CPAMD8: variants seen among roughly 807,000 people sequenced by gnomAD.
CPAMD8 encodes the protein C3 and PZP-like alpha-2-macroglobulin domain-containing protein 8.
Under a neutral mutation model 224.7 loss-of-function variants are expected in CPAMD8, and 146 were observed. The observed-to-expected ratio is 0.65, with a 90% confidence interval of 0.57 to 0.75. The LOEUF is 0.75. CPAMD8 is among the 30% of genes least tolerant of loss of function. CPAMD8 has a pLI of 0.00. For synonymous variants in CPAMD8, 966 were observed against 1,044.6 expected (o/e 0.92, Z 1.45); for missense variants, 2,301 against 2,537.5 (o/e 0.91, Z 2.00).
intron 25 of CPAMD8, among the ~76,000 whole-genome samples, chr19:16,927,639 A>G (rs2053410759): frequency 6.6e-6 from 1 of 151,932 alleles, no homozygotes; most frequent in African/African-American, 2.4e-5. Context: ...TGACTTATTC[A>G]GGTATTTGTG....
intron 13 of CPAMD8, among the ~76,000 whole-genome samples, chr19:16,987,165 AAAAAAAAAAAAAAAATATATAT>A (rs931127046): frequency 7.2e-5 from 7 of 97,622 alleles, no homozygotes; most frequent in African/African-American, 3.2e-4. Context: ...AAAAAAAAAA[AAAAAAAAAAAAAAAATATATAT>A]ATATATATAT....
chr19:16,927,340 G>A (rs1430916095), intron 25 of CPAMD8, among the ~76,000 whole-genome samples: 1 of 151,946 alleles, frequency 6.6e-6, no homozygotes, highest in African/African-American at 2.4e-5. Flanking sequence ...CATTCTCCCT[G>A]GGACCATGTA....
Position 16,925,220 on chromosome 19 carries a change from C to G in CPAMD8, c.3523G>C (p.Glu1175Gln), listed in dbSNP as rs776724831. ...TQQLSPEVER[E>Q]TTDYLVQGYQ... Reference sequence around the variant, plus strand: ...CCTTGTACTAGGTAGTCGGTGGTCTCTCTCTCCACCTCAGGGCTGAGCTGC... The same window carrying G: ...CCTTGTACTAGGTAGTCGGTGGTCTGTCTCTCCACCTCAGGGCTGAGCTGC... The change falls in exon 26 of 42, where the codon GAG (glutamate) becomes CAG (glutamine). Residue 1175 changes from glutamate (E) to glutamine (Q), a missense_variant. By Grantham distance (29) the Glu-to-Gln change is conservative. Transcript: ENST00000443236. 2 of 1,614,220 alleles carry G rather than the reference C, an allele frequency of 1.2e-6. No individual in the cohort carries two copies. The highest frequency in any genetic ancestry group is 1.1e-5 in the South Asian group (1 of 91,076).
intron 20 of CPAMD8, among the ~76,000 whole-genome samples, chr19:16,950,035 T>G (rs960084556): frequency 2.0e-5 from 3 of 152,118 alleles, no homozygotes; most frequent in African/African-American, 4.8e-5. Flanking sequence ...TGGTGGCTCA[T>G]GCCTGTAATC....
At chr19:17,018,920 G>A (rs75906332) in intron 3 of CPAMD8, among the ~76,000 whole-genome samples, 51 of 140,548 alleles carry the variant, frequency 3.6e-4, no homozygotes, top group East Asian at 1.5e-3. Context: ...AAAAAAAAAA[G>A]AAAAAAAAAA....
In CPAMD8 at chr19:16,928,116, C is replaced by A; in HGVS notation, c.3263G>T (p.Arg1088Leu). The A allele has an allele frequency of 6.2e-7, 1 of 1,614,054 alleles. No homozygotes were observed. Among genetic ancestry groups the A allele is most frequent in the Non-Finnish European group, 8.5e-7 (1 of 1,180,024 alleles). ...GTCCACCTCCATCTTCCTCCAGATT[C>A]GGAATTCACCCATGGAGCCCCAGCC... ...STGWGSMGEF[R>L]IWRKMEVDES... is the part of the protein sequence containing the mutation. Residue 1088 changes from arginine to leucine, a missense_variant, in exon 25 of 42, where the codon CGA becomes CTA. By Grantham distance (102) the Arg-to-Leu change is moderately radical (BLOSUM62 -2). Coordinates refer to ENST00000443236, the MANE Select transcript of CPAMD8 (RefSeq NM_015692.5).
At chr19:16,954,309 G>A (rs549934416) in intron 19 of CPAMD8, among the ~76,000 whole-genome samples, 7 of 151,266 alleles carry the variant, frequency 4.6e-5, no homozygotes, top group African/African-American at 1.5e-4. Flanking sequence ...CTCCTGCCTG[G>A]GTGACAGAGC....
At chr19:16,957,755 G>A in intron 19 of CPAMD8, 98 bp downstream of exon 19, 1 of 1,076,064 alleles carries the variant, frequency 9.3e-7, no homozygotes, top group Admixed American at 2.0e-5. Context: ...TCAGATGTTG[G>A]TATCAGGCCT....
At chr19:17,000,873 C>T (rs1379912638) in intron 9 of CPAMD8, among the ~76,000 whole-genome samples, 1 of 152,168 alleles carries the variant, frequency 6.6e-6, no homozygotes. Context: ...CTATTAAGCT[C>T]GACTTTGAAC....
At chr19:16,952,928 G>T (rs563031148) in intron 19 of CPAMD8, among the ~76,000 whole-genome samples, 1 of 152,160 alleles carries the variant, frequency 6.6e-6, no homozygotes, top group East Asian at 1.9e-4. Flanking sequence ...GCCAAACAAA[G>T]AAACCAGAAG....
intron 3 of CPAMD8, among the ~76,000 whole-genome samples, chr19:17,015,241 C>CA (rs1323426868): frequency 6.6e-6 from 1 of 151,852 alleles, no homozygotes; most frequent in Non-Finnish European, 1.5e-5. Flanking sequence ...GACTCCATCT[C>CA]AAAAAATAAA....
chr19:16,912,001 T>C (rs1339094218), intron 29 of CPAMD8, among the ~76,000 whole-genome samples: 1 of 152,102 alleles, frequency 6.6e-6, no homozygotes, highest in African/African-American at 2.4e-5. Context: ...CTTATGAGAA[T>C]CTAAAGCCTA....
chr19:16,904,792 C>A lies in CPAMD8; in HGVS notation c.4028-240G>T, dbSNP rs187478250. 5.8e-4 allele frequency among the ~76,000 whole-genome samples: 88 copies of A among 152,266 alleles called. No individual in the cohort carries two copies. The Middle Eastern group carries it at 0.024, about 41-fold the overall frequency. ...CAGACATCGTGAATCAATGGCTACC[C>A]AACCTTACCCCTGGCAGACATCACT... On this transcript the variant is annotated intron_variant, in intron 30 of 41. Transcript: ENST00000443236.
Position 17,022,124 on chromosome 19 carries a change from G to A in CPAMD8, c.150C>T (p.Ser50=), listed in dbSNP as rs769645187. 8.7e-6 allele frequency: 14 copies of A among 1,607,894 alleles called. No homozygotes were observed. Among genetic ancestry groups the A allele is most frequent in the South Asian group, 5.6e-5 (5 of 89,798 alleles). Residue 50 remains serine (S), a synonymous_variant, in exon 2 of 42, where the codon AGC becomes AGT. Coordinates refer to ENST00000443236, the MANE Select transcript of CPAMD8 (RefSeq NM_015692.5). The part of the protein sequence containing the change: ...VFRAGVEEVI[S]VTIFNSPREV... ...CCCTTGGAGAGTTAAAGATGGTCACGCTGATGACTTCCTCCACGCCCGCGC... is the reference window on the plus strand; with the variant it reads ...CCCTTGGAGAGTTAAAGATGGTCACACTGATGACTTCCTCCACGCCCGCGC...
intron 41 of CPAMD8, chr19:16,895,901 A>ACGCG (rs748743594): frequency 3.8e-5 from 21 of 546,574 alleles, no homozygotes; most frequent in Admixed American, 2.1e-4. Context: ...GCGCGCGCGC[A>ACGCG]CGCACACACA....
chr19:16,904,001 TG>T, intron 32 of CPAMD8, 144 bp from the exon 33 acceptor site: 2 of 942,724 alleles, frequency 2.1e-6, no homozygotes, highest in Non-Finnish European at 3.1e-6. Flanking sequence ...CCCATGGCAC[TG>T]GGGGCCTCAG....
chr19:16,945,055 C>T (rs1432003959), intron 22 of CPAMD8, among the ~76,000 whole-genome samples: 3 of 152,130 alleles, frequency 2.0e-5, no homozygotes, highest in Non-Finnish European at 4.4e-5. Flanking sequence ...TCTTACAGAG[C>T]GGGGCTGGAA....
Position 16,898,560 on chromosome 19 carries a change from G to A in CPAMD8, c.4849-566C>T, listed in dbSNP as rs1180612244. The stretch of plus-strand genomic sequence containing the variant: ...CAATCATCACCTCTGTCTAGTTACA[G>A]AACGGTTTCTTTCTCCCCCAAAGAA... On this transcript the variant is annotated intron_variant, in intron 37 of 41. Transcript: ENST00000443236. The surrounding 1 kb of genome is among the most constrained non-coding windows in gnomAD (Gnocchi z 4.2). 6.6e-6 allele frequency among the ~76,000 whole-genome samples: 1 copy of A among 152,004 alleles called. No individual in the cohort carries two copies. Among genetic ancestry groups the A allele is most frequent in the Non-Finnish European group, 1.5e-5 (1 of 68,002 alleles).
chr19:17,004,497 G>A (rs936269009), intron 7 of CPAMD8, 111 bp from the exon 8 acceptor site: 1 of 664,802 alleles, frequency 1.5e-6, no homozygotes, highest in African/African-American at 1.8e-5. Context: ...AGCCCCCCAG[G>A]AGAACTGGAG....
Sources: allele counts gnomAD v4.1 joint callset (sites outside exome capture counted in the v4.1 genomes callset), GRCh38; gene constraint gnomAD v4.1.1; non-coding constraint Gnocchi (gnomAD v3.1); transcripts MANE v1.5; gene names NCBI Gene and HGNC (gene_info 2026-07-23, HGNC 2026-07-21).